Variants in CACNA1B observed in about 807,000 individuals in gnomAD.
CACNA1B encodes calcium voltage-gated channel subunit alpha1 B.
A neutral mutation model predicts 247.2 loss-of-function variants in CACNA1B; 70 were observed. The observed-to-expected ratio is 0.28, with a 90% CI of 0.23 to 0.35. The LOEUF is 0.35. Ranked by LOEUF, CACNA1B falls within the 10% of genes least tolerant of loss-of-function variation. The pLI is 1.00. For synonymous variants in CACNA1B, 1,231 were observed against 1,294.4 expected (o/e 0.95, Z 1.05); for missense variants, 2,367 against 3,197.4 (o/e 0.74, Z 6.26).
chr9:138,097,460 C>T (rs1397190111), intron 37 of CACNA1B, among the ~76,000 whole-genome samples: 1 of 152,198 alleles, frequency 6.6e-6, no homozygotes, highest in East Asian at 1.9e-4. Flanking sequence ...CCATTCCTTC[C>T]ATCACTCGTT....
At chr9:137,895,081 C>G (rs1957158171) in intron 3 of CACNA1B, among the ~76,000 whole-genome samples, 1 of 152,148 alleles carries the variant, frequency 6.6e-6, no homozygotes, top group Non-Finnish European at 1.5e-5. Context: ...TCCAGTGGCA[C>G]CAGCACCATT....
chr9:138,050,196 A>C lies in CACNA1B; in HGVS notation c.3710+881A>C, dbSNP rs1450970462. 1.8e-5 allele frequency: 14 copies of C among 796,010 alleles called. No individual in the cohort carries two copies. Among genetic ancestry groups the C allele is most frequent in the Non-Finnish European group, 2.4e-5 (13 of 540,416 alleles). 49.3% of individuals were successfully genotyped at this position (796,010 alleles called of 1,614,324 possible). A position where few individuals can be genotyped will look rare whatever the true frequency, so the allele number is the denominator to read the frequency against. ...CCCCCCGCCCATCCACTTTCACCCC[A>C]TCGGGGCTGCATGCTGCCGGGAGCC... On this transcript the variant is annotated intron_variant, in intron 24 of 46. Transcript: ENST00000371372. The surrounding 1 kb of genome is among the most constrained non-coding windows in gnomAD (Gnocchi z 5.2).
Position 137,985,155 on chromosome 9 carries a change from A to G in CACNA1B, c.1769+905A>G, listed in dbSNP as rs560097252. ...CCTCTAGTGACCAAGATGACCTCTC[A>G]GAAGCCCACTGACCTCCCCAGGGCA... On this transcript the variant is annotated intron_variant, in intron 13 of 46. Transcript: ENST00000371372. Among the ~76,000 whole-genome samples the G allele has an allele frequency of 9.8e-5, 15 of 152,360 alleles. No homozygotes were observed. The South Asian group carries it at 2.9e-3, about 29-fold the overall frequency.
Position 138,052,031 on chromosome 9 carries a change from C to G in CACNA1B, c.3711-61C>G. 1 of 961,000 alleles carries G rather than the reference C, an allele frequency of 1.0e-6. No homozygotes were observed. 59.5% of individuals were successfully genotyped at this position (961,000 alleles called of 1,614,324 possible). A position where few individuals can be genotyped will look rare whatever the true frequency, so the allele number is the denominator to read the frequency against. On this transcript the variant is annotated intron_variant, in intron 24 of 46. Transcript: ENST00000371372. The surrounding 1 kb of genome is among the most constrained non-coding windows in gnomAD (Gnocchi z 5.1). ...GCAGGACTCAGACCCTGGGGGGCCA[C>G]GTGGGAGCTGGGCACACCCATGCCT...
rs769277058 is a variant in CACNA1B at position 137,882,924 on chromosome 9, G to A, written c.530+41G>A. On this transcript the variant is annotated intron_variant, in intron 3 of 46. Coordinates refer to ENST00000371372, the MANE Select transcript of CACNA1B (RefSeq NM_000718.4). The surrounding 1 kb of genome is among the most constrained non-coding windows in gnomAD (Gnocchi z 4.0). ...CCAGGAGGCCCAGCGTGTGAGGCCC[G>A]GGCGTGTGCTCTCTGAAGCTCAGTT... 22 of 1,575,128 alleles carry A rather than the reference G, an allele frequency of 1.4e-5. No individual in the cohort carries two copies. Among genetic ancestry groups the A allele is most frequent in the African/African-American group, 8.3e-5 (6 of 72,362 alleles).
intron 39 of CACNA1B, 54 bp downstream of exon 39, chr9:138,105,861 G>A (rs551818132): frequency 7.1e-5 from 69 of 966,376 alleles, no homozygotes; most frequent in South Asian, 1.9e-4. Flanking sequence ...GTGCACCTCC[G>A]CCCTCAGTGT....
At chr9:137,938,530 A>T (rs1589019356) in intron 6 of CACNA1B, among the ~76,000 whole-genome samples, 1 of 152,088 alleles carries the variant, frequency 6.6e-6, no homozygotes, top group Non-Finnish European at 1.5e-5. Context: ...AACACATAAG[A>T]CTCATAAACT....
rs760351292 is a variant in CACNA1B, at chr9:137,882,825, A to G, written c.472A>G (p.Lys158Glu). ...KIIALGFVFHKGSYLRNGWNV... is the reference protein window; with the variant it reads ...KIIALGFVFHEGSYLRNGWNV... ...CATCGCTCTGGGCTTTGTCTTCCAC[A>G]AGGGCTCTTACCTGCGGAACGGCTG... The change falls in exon 3 of 47, where the codon AAG becomes GAG. Residue 158 changes from lysine to glutamate, a missense_variant. Coordinates refer to ENST00000371372, the MANE Select transcript of CACNA1B (RefSeq NM_000718.4). This position sits in a 1 kb window ranked among gnomAD's most constrained non-coding sequence, Gnocchi z 4.0. 1 of 1,613,926 alleles carries G rather than the reference A, an allele frequency of 6.2e-7. No individual in the cohort carries two copies. The highest frequency in any genetic ancestry group is 8.5e-7 in the Non-Finnish European group (1 of 1,179,846).
At chr9:138,031,914 T>G (rs1564248442) in intron 20 of CACNA1B, among the ~76,000 whole-genome samples, 1 of 152,210 alleles carries the variant, frequency 6.6e-6, no homozygotes, top group Non-Finnish European at 1.5e-5. Flanking sequence ...GTAAATTTCT[T>G]GTAGATAGTA....
In CACNA1B at chr9:137,967,112, C is replaced by T. The variant is rs567660155; in HGVS notation, c.1334-4271C>T. Among the ~76,000 whole-genome samples, 4 of 151,950 alleles carry T rather than the reference C, an allele frequency of 2.6e-5. No individual in the cohort carries two copies. In the East Asian group the frequency reaches 5.8e-4, roughly 22 times the overall value. On this transcript the variant is annotated intron_variant, in intron 10 of 46. Coordinates refer to ENST00000371372, the MANE Select transcript of CACNA1B (RefSeq NM_000718.4). ...TTTAATCGAGTTGCTGTTTATTGCT[C>T]CTCTCCTCCCTTGCTTATTTTTACT... is the stretch of plus-strand genomic sequence containing the variant.
Position 137,952,280 on chromosome 9 carries a change from G to A in CACNA1B, c.973G>A (p.Asp325Asn). The A allele has an allele frequency of 1.2e-6, 2 of 1,613,562 alleles. No homozygotes were observed. Among genetic ancestry groups the A allele is most frequent in the Non-Finnish European group, 1.7e-6 (2 of 1,179,620 alleles). Reference sequence around the variant, plus strand: ...TCCCTCTCCTTGCTTCCAGACAAACGATGCGGCCGGCAACACCTGGAACTG... The same window carrying A: ...TCCCTCTCCTTGCTTCCAGACAAACAATGCGGCCGGCAACACCTGGAACTG... ...GWTDILYNTN[D>N]AAGNTWNWLY... Residue 325 changes from aspartate to asparagine, a missense_variant, in exon 7 of 47, where the codon GAT (aspartate) becomes AAT (asparagine). By Grantham distance (23) the Asp-to-Asn change is conservative. Around this residue, in one of 12 missense-constraint regions of CACNA1B, gnomAD observed 32 missense variants for 37.2 expected, o/e 0.86. Transcript: ENST00000371372. The surrounding 1 kb of genome is among the most constrained non-coding windows in gnomAD (Gnocchi z 4.8).
intron 21 of CACNA1B, among the ~76,000 whole-genome samples, chr9:138,046,448 G>A (rs1462211048): frequency 2.1e-5 from 3 of 140,048 alleles, no homozygotes; most frequent in Admixed American, 6.6e-5. Context: ...GAATGTTGAC[G>A]CTGAAATTCT....
intron 31 of CACNA1B, among the ~76,000 whole-genome samples, chr9:138,064,435 G>A (rs1959843014): frequency 2.6e-5 from 4 of 152,234 alleles, no homozygotes; most frequent in South Asian, 2.1e-4. Context: ...GACTCGGGAG[G>A]GAGCATGTTT....
chr9:138,104,926 G>A (rs1053367674), intron 38 of CACNA1B, among the ~76,000 whole-genome samples: 3 of 152,352 alleles, frequency 2.0e-5, no homozygotes, highest in South Asian at 2.1e-4. Flanking sequence ...ACACGAGCTC[G>A]TCTCCAGCTG....
chr9:137,879,817 G>T (rs1355353297), intron 2 of CACNA1B, among the ~76,000 whole-genome samples: 1 of 152,196 alleles, frequency 6.6e-6, no homozygotes, highest in South Asian at 2.1e-4. Context: ...AGCCCTGTGG[G>T]GTCTCTGGAG....
chr9:137,969,425 G>A (rs540796258), intron 10 of CACNA1B, among the ~76,000 whole-genome samples: 3 of 152,330 alleles, frequency 2.0e-5, no homozygotes, highest in Non-Finnish European at 2.9e-5. Flanking sequence ...TGTGTGGGGG[G>A]CTGTGGCCCA....
At chr9:138,043,743 C>CTA in intron 20 of CACNA1B, 31 bp from the exon 21 acceptor site, 1 of 1,613,510 alleles carries the variant, frequency 6.2e-7, no homozygotes, top group Non-Finnish European at 8.5e-7. Flanking sequence ...GTGCACTACA[C>CTA]CCCTTACTCG....
At chr9:138,112,581 G>T in intron 40 of CACNA1B, 76 bp downstream of exon 40, 2 of 983,818 alleles carry the variant, frequency 2.0e-6, no homozygotes, top group South Asian at 2.6e-5. Context: ...GGCTGTGGAG[G>T]TGAGGGTGAG....
intron 3 of CACNA1B, among the ~76,000 whole-genome samples, chr9:137,907,706 T>C (rs551696713): frequency 6.6e-6 from 1 of 152,374 alleles, no homozygotes; most frequent in East Asian, 1.9e-4. Flanking sequence ...CTGTCTTTTA[T>C]GGTGTGGTGT....
Sources: gnomAD v4.1 joint callset for allele counts (sites outside exome capture counted in the v4.1 genomes callset) on GRCh38, gnomAD v4.1.1 for gene constraint, gnomAD v4.1.1 regional missense constraint, Gnocchi (gnomAD v3.1) non-coding constraint, MANE v1.5 for transcripts, NCBI Gene and HGNC (gene_info 2026-07-23, HGNC 2026-07-21) for gene names.